KAZN: variants seen among roughly 807,000 people sequenced by gnomAD.
KAZN encodes the protein kazrin, periplakin interacting protein, also known as kazrin.
A neutral mutation model predicts 87.4 loss-of-function variants in KAZN; 40 were observed. The ratio of observed to expected loss-of-function variants is 0.46; its 90% CI spans 0.36 to 0.60. The LOEUF is 0.60. Among genes scored for constraint, KAZN ranks in the 20% least tolerant of loss-of-function variants. KAZN has a pLI of 0.00. For missense variants in KAZN, 898 were observed against 1,073.9 expected (o/e 0.84, Z 2.29); for synonymous variants, 466 against 458.3 (o/e 1.02, Z -0.22).
chr1:14,482,687 T>C (rs1400878827), intron 2 of KAZN, among the ~76,000 whole-genome samples: 24 of 152,222 alleles, frequency 1.6e-4, no homozygotes, highest in Non-Finnish European at 4.4e-5. Context: ...GGGGTCTTTA[T>C]GGAGTTCCCT....
intron 1 of KAZN, chr1:13,893,781 T>G: frequency 6.5e-7 from 1 of 1,549,592 alleles, no homozygotes; most frequent in South Asian, 1.2e-5. Flanking sequence ...GTGTGTCATG[T>G]GCCCAGAGAA....
intron 1 of KAZN, among the ~76,000 whole-genome samples, chr1:14,835,822 G>A (rs925238012): frequency 3.0e-5 from 3 of 100,662 alleles, no homozygotes; most frequent in African/African-American, 1.2e-4. Context: ...CCCGCCCCCT[G>A]ACAGCTCCCA....
chr1:15,003,005 TACACACACAC>T (rs113317563), intron 2 of KAZN, among the ~76,000 whole-genome samples: 10 of 131,426 alleles, frequency 7.6e-5, no homozygotes, highest in African/African-American at 1.3e-4. Context: ...AAAATAAACG[TACACACACAC>T]ACACACACAC....
At chr1:15,061,599 A>C (rs1424802864) in intron 6 of KAZN, 1 of 152,198 alleles carries the variant, frequency 6.6e-6, no homozygotes, top group Non-Finnish European at 1.5e-5. Flanking sequence ...AGCTCACTGC[A>C]ACCAACACCT....
At chr1:14,389,043 T>A (rs1365689451) in intron 2 of KAZN, among the ~76,000 whole-genome samples, 2 of 152,146 alleles carry the variant, frequency 1.3e-5, no homozygotes. Context: ...GGGCAAAAGA[T>A]CTGAATAGAC....
intron 2 of KAZN, among the ~76,000 whole-genome samples, chr1:14,212,946 A>G (rs547653386): frequency 3.9e-5 from 6 of 152,356 alleles, no homozygotes; most frequent in Non-Finnish European, 8.8e-5. Context: ...TGGGATTCTT[A>G]TAGGATTTCT....
At chr1:14,553,161 A>G (rs150684400) in intron 2 of KAZN, among the ~76,000 whole-genome samples, 26 of 152,264 alleles carry the variant, frequency 1.7e-4, no homozygotes, top group African/African-American at 6.3e-4. Context: ...GATCACTGGA[A>G]GCCAGGAATT....
intron 2 of KAZN, among the ~76,000 whole-genome samples, chr1:14,396,409 T>C (rs189497607): frequency 6.6e-6 from 1 of 152,158 alleles, no homozygotes; most frequent in Non-Finnish European, 1.5e-5. Flanking sequence ...GGCTTAGACA[T>C]ACAGGTTCCA....
At chr1:14,164,711 T>C (rs1034538388) in intron 1 of KAZN, among the ~76,000 whole-genome samples, 2 of 152,114 alleles carry the variant, frequency 1.3e-5, no homozygotes, top group Non-Finnish European at 2.9e-5. Context: ...TGGCTCATTT[T>C]GTACTTTTAG....
At chr1:13,986,525 C>A (rs754304022) in intron 1 of KAZN, among the ~76,000 whole-genome samples, 18 of 152,134 alleles carry the variant, frequency 1.2e-4, no homozygotes, top group Non-Finnish European at 2.2e-4. Context: ...TGCATTGAGA[C>A]TTGGAAATGG....
rs138320338 is a variant in KAZN at position 14,651,696 on chromosome 1, T to G, written c.226+52473T>G. On this transcript the variant is annotated intron_variant, in intron 1 of 14. Transcript: ENST00000376030. ...TCCAAAATTTTGACTGGGGCTTTTTTCCCCCCACGAGAATAACTGCAGGGT... is the reference window on the plus strand; with the variant it reads ...TCCAAAATTTTGACTGGGGCTTTTTGCCCCCCACGAGAATAACTGCAGGGT... Among the ~76,000 whole-genome samples, 516 of 152,250 alleles carry G rather than the reference T, an allele frequency of 3.4e-3. 3 individuals carry two copies. The highest frequency in any genetic ancestry group is 0.012 in the African/African-American group (496 of 41,540).
At chr1:14,973,648 G>A (rs1012300984) in intron 2 of KAZN, among the ~76,000 whole-genome samples, 2 of 152,138 alleles carry the variant, frequency 1.3e-5, no homozygotes, top group Non-Finnish European at 2.9e-5. Flanking sequence ...ATGTGAGCTG[G>A]TACTGATAAC....
At chr1:15,071,037 G>A (rs996870007) in intron 8 of KAZN, among the ~76,000 whole-genome samples, 6 of 152,116 alleles carry the variant, frequency 3.9e-5, no homozygotes, top group African/African-American at 1.4e-4. Context: ...AATGAATAGG[G>A]AACATGTATC....
At chr1:14,635,889 A>T (rs1434054568) in intron 1 of KAZN, among the ~76,000 whole-genome samples, 1 of 152,210 alleles carries the variant, frequency 6.6e-6, no homozygotes, top group Non-Finnish European at 1.5e-5. Flanking sequence ...CCTGAATTCC[A>T]TGCTATCTCA....
At chr1:14,713,395 A>G (rs1427976407) in intron 1 of KAZN, among the ~76,000 whole-genome samples, 2 of 152,158 alleles carry the variant, frequency 1.3e-5, no homozygotes, top group East Asian at 1.9e-4. Context: ...TAACAGCACA[A>G]TCATTTCAGT....
At chr1:13,989,855 T>C (rs1187887995) in intron 1 of KAZN, among the ~76,000 whole-genome samples, 1 of 152,200 alleles carries the variant, frequency 6.6e-6, no homozygotes, top group Non-Finnish European at 1.5e-5. Context: ...ACTCAGACTT[T>C]GTGGTCATCT....
At chr1:14,017,882 C>A (rs937350683) in intron 1 of KAZN, among the ~76,000 whole-genome samples, 1 of 152,174 alleles carries the variant, frequency 6.6e-6, no homozygotes, top group Non-Finnish European at 1.5e-5. Context: ...CTGAGAGCCA[C>A]GTGTTGTTGC....
chr1:14,233,986 T>C (rs908542944), intron 2 of KAZN, among the ~76,000 whole-genome samples: 1 of 152,180 alleles, frequency 6.6e-6, no homozygotes, highest in South Asian at 2.1e-4. Context: ...TGCAAGACAG[T>C]GTGGTGATTC....
intron 1 of KAZN, among the ~76,000 whole-genome samples, chr1:13,938,614 A>G (rs1298389975): frequency 1.3e-5 from 2 of 152,198 alleles, no homozygotes; most frequent in African/African-American, 2.4e-5. Flanking sequence ...ACCCTCACAG[A>G]TAATCTTTAC....
Sources: allele counts gnomAD v4.1 joint callset (sites outside exome capture counted in the v4.1 genomes callset), GRCh38; gene constraint gnomAD v4.1.1; transcripts MANE v1.5; gene names NCBI Gene and HGNC (gene_info 2026-07-23, HGNC 2026-07-21).